GLIPR1L2: variants seen among roughly 807,000 people sequenced by gnomAD.
The protein encoded by GLIPR1L2 is GLIPR1-like protein 2.
A neutral mutation model predicts 28.4 loss-of-function variants in GLIPR1L2; 21 were observed. That is an observed-to-expected ratio of 0.74 (90% CI 0.52 to 1.06). The LOEUF (loss-of-function observed/expected upper bound fraction) is 1.06. Among genes scored for constraint, GLIPR1L2 ranks in the 50% least tolerant of loss-of-function variants. GLIPR1L2 has a pLI of 0.00. For synonymous variants in GLIPR1L2, 145 were observed against 139.3 expected (o/e 1.04, Z -0.29); for missense variants, 476 against 416.9 (o/e 1.14, Z -1.23).
chr12:75,411,499 T>C (rs1331984060), intron 2 of GLIPR1L2, among the ~76,000 whole-genome samples: 1 of 151,848 alleles, frequency 6.6e-6, no homozygotes, highest in African/African-American at 2.4e-5. Context: ...GTTTTTTTTT[T>C]CTGATCATTT....
chr12:75,428,519 T>A (rs200893249), intron 4 of GLIPR1L2, among the ~76,000 whole-genome samples: 19 of 49,572 alleles, frequency 3.8e-4, no homozygotes, highest in South Asian at 3.3e-3. Context: ...GTAGAAAAAA[T>A]ATATATATAT....
intron 4 of GLIPR1L2, among the ~76,000 whole-genome samples, chr12:75,426,320 T>A (rs1661666235): frequency 6.6e-6 from 1 of 152,200 alleles, no homozygotes; most frequent in Admixed American, 6.5e-5. Flanking sequence ...TCTAAGTATT[T>A]TAGCAATAAA....
At chr12:75,399,641 G>A (rs756014306) in intron 1 of GLIPR1L2, among the ~76,000 whole-genome samples, 20 of 151,780 alleles carry the variant, frequency 1.3e-4, no homozygotes, top group African/African-American at 1.9e-4. Context: ...TGAGCCCTTC[G>A]TCTTTGGTAT....
intron 1 of GLIPR1L2, among the ~76,000 whole-genome samples, chr12:75,392,364 A>C (rs2045630813): frequency 6.6e-6 from 1 of 152,198 alleles, no homozygotes; most frequent in African/African-American, 2.4e-5. Context: ...TAAATGAATA[A>C]ATTACAAAAA....
intron 1 of GLIPR1L2, among the ~76,000 whole-genome samples, chr12:75,410,036 G>A (rs2045849301): frequency 6.6e-6 from 1 of 151,222 alleles, no homozygotes; most frequent in Non-Finnish European, 1.5e-5. Context: ...ATGATATTTT[G>A]CATATAATCA....
chr12:75,391,626 G>A, intron 1 of GLIPR1L2: 2 of 961,768 alleles, frequency 2.1e-6, no homozygotes, highest in Non-Finnish European at 3.0e-6. Context: ...TCAAGAAAAT[G>A]ATATTTTAAT....
intron 1 of GLIPR1L2, among the ~76,000 whole-genome samples, 155 bp from the exon 2 acceptor site, chr12:75,410,279 C>T (rs1037514474): frequency 1.3e-4 from 20 of 151,438 alleles, no homozygotes; most frequent in African/African-American, 4.8e-4. Context: ...TTTATTATCC[C>T]ATGGAAGTTT....
At chr12:75,428,404 G>T (rs565807558) in intron 4 of GLIPR1L2, among the ~76,000 whole-genome samples, 1 of 152,238 alleles carries the variant, frequency 6.6e-6, no homozygotes, top group Admixed American at 6.5e-5. Flanking sequence ...GTTTGTAAAA[G>T]CATACAGTCT....
chr12:75,408,420 T>C (rs2045826036), intron 1 of GLIPR1L2, among the ~76,000 whole-genome samples: 1 of 136,072 alleles, frequency 7.3e-6, no homozygotes, highest in Non-Finnish European at 1.6e-5. Flanking sequence ...AGTTACTTCC[T>C]CTGGGAAAAC....
In GLIPR1L2 at chr12:75,431,228, GAA is replaced by G. The variant is rs5799226; in HGVS notation, c.*79_*80del. ...CAAAAGTGTAATACAAAAAAAGACA[GAA>G]AAAAAAAAAAAGTAAAACACTGAGT... On this transcript the variant is annotated 3_prime_UTR_variant, in exon 6 of 6. Coordinates refer to ENST00000550916, the MANE Select transcript of GLIPR1L2 (RefSeq NM_001270396.2). The G allele has an allele frequency of 3.0e-3, 1,379 of 454,802 alleles. No homozygotes were observed. Among genetic ancestry groups the G allele is most frequent in the South Asian group, 7.1e-3 (184 of 26,084 alleles). The allele number at this position is 454,802 out of a possible 1,614,324, so 28.2% of individuals were successfully genotyped here.
Position 75,422,895 on chromosome 12 carries a change from T to C in GLIPR1L2, c.585-9T>C, listed in dbSNP as rs2139960718. On this transcript the variant is annotated splice_polypyrimidine_tract_variant and intron_variant, in intron 3 of 5. Coordinates refer to ENST00000550916, the MANE Select transcript of GLIPR1L2 (RefSeq NM_001270396.2). ...TCTAACTAAATGTTTTCTGCTTTTT[T>C]GTTTGTAGAGGAACACTGACGAGAA... 1.3e-6 allele frequency: 2 copies of C among 1,588,486 alleles called. No homozygotes were observed. The highest frequency in any genetic ancestry group is 1.7e-6 in the Non-Finnish European group (2 of 1,173,006).
At chr12:75,429,806 T>G (rs1326881399) in intron 4 of GLIPR1L2, among the ~76,000 whole-genome samples, 1 of 152,026 alleles carries the variant, frequency 6.6e-6, no homozygotes, top group Non-Finnish European at 1.5e-5. Flanking sequence ...CCCCTCACTC[T>G]CCCTCCTGCC....
chr12:75,412,817 C>G (rs1157718703), intron 2 of GLIPR1L2, among the ~76,000 whole-genome samples: 4 of 152,010 alleles, frequency 2.6e-5, no homozygotes, highest in Non-Finnish European at 5.9e-5. Flanking sequence ...ACTAGAAATA[C>G]CATTTGACCC....
At chr12:75,407,302 T>G (rs192048944) in intron 1 of GLIPR1L2, among the ~76,000 whole-genome samples, 2 of 152,212 alleles carry the variant, frequency 1.3e-5, no homozygotes, top group African/African-American at 4.8e-5. Context: ...ATAATGAAAT[T>G]TTTCATCTGC....
At chr12:75,403,019 A>G (rs757590403) in intron 1 of GLIPR1L2, 3 of 456,976 alleles carry the variant, frequency 6.6e-6, no homozygotes, top group South Asian at 1.5e-5. Flanking sequence ...TTTAACAGTT[A>G]TGGTACTGCT....
At chr12:75,398,909 G>C (rs532367900) in intron 1 of GLIPR1L2, among the ~76,000 whole-genome samples, 1 of 152,038 alleles carries the variant, frequency 6.6e-6, no homozygotes, top group Non-Finnish European at 1.5e-5. Context: ...ACAATGTTTG[G>C]AGGTTTCCGT....
At chr12:75,413,251 T>A (rs35898622) in intron 2 of GLIPR1L2, among the ~76,000 whole-genome samples, 25,915 of 150,418 alleles carry the variant, frequency 0.17, 2,458 homozygotes, top group Admixed American at 0.23. Context: ...TGCTAAATGA[T>A]GAGTTAATGG....
intron 1 of GLIPR1L2, among the ~76,000 whole-genome samples, chr12:75,403,351 A>G (rs1594006669): frequency 2.6e-5 from 4 of 152,260 alleles, no homozygotes; most frequent in African/African-American, 9.6e-5. Context: ...TCCTGGACTG[A>G]AAGTCTTTCT....
intron 4 of GLIPR1L2, among the ~76,000 whole-genome samples, chr12:75,426,756 T>C (rs752073241): frequency 3.3e-5 from 5 of 152,210 alleles, no homozygotes; most frequent in Non-Finnish European, 5.9e-5. Context: ...TGCTAAGAGA[T>C]GGTGGAATGA....
Sources: gnomAD v4.1 joint callset for allele counts (sites outside exome capture counted in the v4.1 genomes callset) on GRCh38, gnomAD v4.1.1 for gene constraint, MANE v1.5 for transcripts, NCBI Gene and HGNC (gene_info 2026-07-23, HGNC 2026-07-21) for gene names.